Variants in FHIT observed in about 807,000 individuals in gnomAD.
FHIT encodes bis(5'-adenosyl)-triphosphatase.
A neutral mutation model predicts 17.9 loss-of-function variants in FHIT; 19 were observed. The ratio of observed to expected loss-of-function variants is 1.06; its 90% confidence interval spans 0.74 to 1.56. The LOEUF (loss-of-function observed/expected upper bound fraction) is 1.56, where lower values mean the gene tolerates loss of function less well. Among genes scored for constraint, FHIT ranks in the 40% most tolerant of loss-of-function variants. FHIT has a pLI of 0.00. For missense variants in FHIT, 248 were observed against 189.2 expected, an observed-to-expected ratio of 1.31 and a Z score of -1.82; for synonymous variants, 81 against 69.7, an observed-to-expected ratio of 1.16 and a Z score of -0.81.
At chr3:61,107,264 T>G (rs2036019047) in intron 2 of FHIT, among the ~76,000 whole-genome samples, 1 of 152,196 alleles carries the variant, frequency 6.6e-6, no homozygotes, top group Non-Finnish European at 1.5e-5. Flanking sequence ...CTTAGTATAA[T>G]GTCCTCCAGT....
chr3:60,139,043 AG>A (rs1196213041), intron 5 of FHIT, among the ~76,000 whole-genome samples: 1 of 152,178 alleles, frequency 6.6e-6, no homozygotes, highest in African/African-American at 2.4e-5. Flanking sequence ...TGTTCTAGCC[AG>A]CAAAGATCAC....
At chr3:61,097,108 C>G (rs1201737143) in intron 2 of FHIT, among the ~76,000 whole-genome samples, 18 of 148,174 alleles carry the variant, frequency 1.2e-4, no homozygotes, top group African/African-American at 4.5e-4. Flanking sequence ...AAGACGGGGG[C>G]GATTCCAAGA....
intron 3 of FHIT, among the ~76,000 whole-genome samples, chr3:60,861,957 AAAG>A (rs1403326955): frequency 2.6e-5 from 4 of 151,682 alleles, no homozygotes; most frequent in Admixed American, 6.6e-5. Flanking sequence ...AAAAAAAAAA[AAAG>A]GCCGGTTTGA....
At chr3:61,190,513 G>A (rs2038679920) in intron 2 of FHIT, among the ~76,000 whole-genome samples, 1 of 152,220 alleles carries the variant, frequency 6.6e-6, no homozygotes, top group African/African-American at 2.4e-5. Context: ...CATTGTGGAA[G>A]TCAGTGTGGT....
intron 5 of FHIT, among the ~76,000 whole-genome samples, chr3:60,158,002 C>T (rs1257207675): frequency 6.6e-6 from 1 of 152,142 alleles, no homozygotes; most frequent in Non-Finnish European, 1.5e-5. Context: ...GTTGTTCTTC[C>T]TTAGAAGCAT....
At chr3:60,060,089 G>A (rs886948144) in intron 5 of FHIT, among the ~76,000 whole-genome samples, 1 of 151,936 alleles carries the variant, frequency 6.6e-6, no homozygotes, top group East Asian at 1.9e-4. Flanking sequence ...CAGACTCACA[G>A]CAACAGGAAA....
chr3:60,078,999 T>C (rs1263298738), intron 5 of FHIT, among the ~76,000 whole-genome samples: 1 of 152,032 alleles, frequency 6.6e-6, no homozygotes, highest in Admixed American at 6.6e-5. Flanking sequence ...CCATAAAGTG[T>C]TCTTGAACAA....
At chr3:60,058,336 G>A (rs1253447292) in intron 5 of FHIT, among the ~76,000 whole-genome samples, 4 of 151,750 alleles carry the variant, frequency 2.6e-5, no homozygotes, top group South Asian at 4.2e-4. Flanking sequence ...TCACCATGTT[G>A]GGCAGGATGG....
intron 8 of FHIT, among the ~76,000 whole-genome samples, chr3:59,885,814 C>T (rs979467602): frequency 4.6e-5 from 7 of 152,208 alleles, no homozygotes; most frequent in Admixed American, 2.6e-4. Flanking sequence ...ATTGCAAGCA[C>T]GTGCCAGGTT....
intron 4 of FHIT, among the ~76,000 whole-genome samples, chr3:60,693,067 A>T (rs1472941781): frequency 6.6e-6 from 1 of 152,216 alleles, no homozygotes; most frequent in East Asian, 1.9e-4. Flanking sequence ...TAGCTTGACT[A>T]TAAAAACAAA....
intron 5 of FHIT, among the ~76,000 whole-genome samples, chr3:60,380,784 T>G (rs959547229): frequency 2.6e-5 from 4 of 152,206 alleles, no homozygotes; most frequent in Non-Finnish European, 4.4e-5. Flanking sequence ...AAGGCAAAGA[T>G]GAATATTTCT....
intron 3 of FHIT, among the ~76,000 whole-genome samples, chr3:61,039,889 T>G (rs1297473203): frequency 2.0e-5 from 3 of 152,156 alleles, no homozygotes; most frequent in Non-Finnish European, 4.4e-5. Context: ...GGATATCAAC[T>G]GTGGGCCACA....
rs145045938 is a variant in FHIT at position 61,002,919 on chromosome 3, A to G, written c.-111+39128T>C. Among the ~76,000 whole-genome samples the G allele has an allele frequency of 7.9e-3, 1,198 of 152,166 alleles. 5 individuals are homozygous for G. The highest frequency in any genetic ancestry group is 0.013 in the Non-Finnish European group (860 of 68,004). ...TCCCTTCAATGGCTTAGCAAACTCT[A>G]TGGCAGTTCCTGGGTTGCACTTCAA... On this transcript the variant is annotated intron_variant, in intron 3 of 9. Coordinates refer to ENST00000492590, the MANE Select transcript of FHIT (RefSeq NM_002012.4).
At chr3:59,786,437 A>G (rs1281229285) in intron 8 of FHIT, among the ~76,000 whole-genome samples, 1 of 152,228 alleles carries the variant, frequency 6.6e-6, no homozygotes, top group Non-Finnish European at 1.5e-5. Flanking sequence ...TTTCTGGATC[A>G]TAACAATTCC....
intron 5 of FHIT, among the ~76,000 whole-genome samples, chr3:60,243,624 A>G (rs941869337): frequency 1.3e-5 from 2 of 152,144 alleles, no homozygotes; most frequent in Non-Finnish European, 2.9e-5. Context: ...TATTTAATCT[A>G]TAGACACCAG....
chr3:60,079,630 G>A (rs1249239995), intron 5 of FHIT, among the ~76,000 whole-genome samples: 1 of 151,394 alleles, frequency 6.6e-6, no homozygotes, highest in Non-Finnish European at 1.5e-5. Flanking sequence ...TTTTTGTTTG[G>A]CTTTGTTTTG....
At chr3:59,908,852 A>ATTTTTTTTTTTTTTTTTTT (rs1559720360) in intron 8 of FHIT, among the ~76,000 whole-genome samples, 5 of 24,292 alleles carry the variant, frequency 2.1e-4, no homozygotes, top group African/African-American at 2.6e-4. Flanking sequence ...TCATTTTTTA[A>ATTTTTTTTTTTTTTTTTTT]TAGTCCAACT....
intron 4 of FHIT, among the ~76,000 whole-genome samples, chr3:60,644,449 ATT>A (rs2039804308): frequency 6.6e-6 from 1 of 152,250 alleles, no homozygotes; most frequent in Non-Finnish European, 1.5e-5. Flanking sequence ...AAATAGATAC[ATT>A]TATTAATATG....
intron 5 of FHIT, among the ~76,000 whole-genome samples, chr3:60,119,479 A>T (rs12629851): frequency 0.27 from 40,381 of 152,074 alleles, 6,103 homozygotes; most frequent in Non-Finnish European, 0.35. Context: ...TTTTTTCCAA[A>T]ATATGAAATC....
Sources: gnomAD v4.1 joint callset for allele counts (sites outside exome capture counted in the v4.1 genomes callset) on GRCh38, gnomAD v4.1.1 for gene constraint, MANE v1.5 for transcripts, NCBI Gene and HGNC (gene_info 2026-07-23, HGNC 2026-07-21) for gene names.